Variants in NAV3 observed in about 807,000 individuals in gnomAD.
The protein encoded by NAV3 is neuron navigator 3, also known as pore membrane and/or filament interacting like protein 1.
In NAV3, 87 loss-of-function variants were observed where a neutral mutation model predicts 244.7. The observed-to-expected ratio is 0.36, with a 90% CI of 0.30 to 0.42. The LOEUF (loss-of-function observed/expected upper bound fraction) is 0.42. Ranked by LOEUF, NAV3 falls within the 20% of genes least tolerant of loss-of-function variation. The pLI is 1.00. For missense variants in NAV3, 2,663 were observed against 2,893.3 expected (o/e 0.92, Z 1.83); for synonymous variants, 1,126 against 1,042.2 (o/e 1.08, Z -1.55).
intron 8 of NAV3, among the ~76,000 whole-genome samples, chr12:78,020,023 C>T (rs1413642548): frequency 1.3e-5 from 2 of 151,930 alleles, no homozygotes; most frequent in Non-Finnish European, 2.9e-5. Context: ...AAATAATAAC[C>T]AATACAATGA....
intron 2 of NAV3, among the ~76,000 whole-genome samples, chr12:77,744,515 G>A (rs563474490): frequency 2.0e-5 from 3 of 152,004 alleles, no homozygotes; most frequent in East Asian, 3.9e-4. Flanking sequence ...GTATCTACCC[G>A]ATGGAAAATT....
At chr12:78,055,019 T>G (rs866662069) in intron 11 of NAV3, among the ~76,000 whole-genome samples, 5 of 152,140 alleles carry the variant, frequency 3.3e-5, no homozygotes, top group South Asian at 2.1e-4. Flanking sequence ...GATCATAAAC[T>G]GAATTATGTA....
chr12:77,575,311 A>T (rs886513507), intron 2 of NAV3, among the ~76,000 whole-genome samples: 1 of 152,086 alleles, frequency 6.6e-6, no homozygotes, highest in African/African-American at 2.4e-5. Context: ...GTTGAAGAAA[A>T]TACTTTTAAG....
Position 77,882,398 on chromosome 12 carries a change from AC to A in NAV3, c.243+50696del, listed in dbSNP as rs760357302. On this transcript the variant is annotated intron_variant, in intron 1 of 39. Coordinates refer to ENST00000397909, the MANE Select transcript of NAV3 (RefSeq NM_001024383.2). ...GCCATATGCAGAAGAATGAAACAGG[AC>A]CTTTACCTTTCACCATATACAAAAA... Among the ~76,000 whole-genome samples the A allele has an allele frequency of 2.0e-5, 3 of 152,092 alleles. No individual in the cohort carries two copies. The East Asian group carries it at 5.8e-4, about 29-fold the overall frequency.
intron 2 of NAV3, among the ~76,000 whole-genome samples, chr12:77,776,749 G>T (rs746486386): frequency 6.6e-6 from 1 of 152,154 alleles, no homozygotes; most frequent in African/African-American, 2.4e-5. Context: ...GGGAGGCCGA[G>T]GTGGGCGGGT....
chr12:78,143,301 T>C, intron 20 of NAV3: 1 of 451,892 alleles, frequency 2.2e-6, no homozygotes, highest in Non-Finnish European at 4.4e-6. Flanking sequence ...TCTGCAGAGG[T>C]GTTACCTTTG....
chr12:78,107,144 T>C (rs945862576), intron 12 of NAV3, among the ~76,000 whole-genome samples: 1 of 152,154 alleles, frequency 6.6e-6, no homozygotes, highest in African/African-American at 2.4e-5. Context: ...ATATCCTACA[T>C]TCAACCAGAA....
At chr12:77,674,549 G>A (rs545954955) in intron 2 of NAV3, among the ~76,000 whole-genome samples, 1 of 151,728 alleles carries the variant, frequency 6.6e-6, no homozygotes, top group Non-Finnish European at 1.5e-5. Flanking sequence ...ACCACCACAC[G>A]TGGCTCATTT....
chr12:77,736,471 T>C (rs1178052047), intron 2 of NAV3, among the ~76,000 whole-genome samples: 1 of 152,194 alleles, frequency 6.6e-6, no homozygotes, highest in Non-Finnish European at 1.5e-5. Flanking sequence ...AAAGATTAAC[T>C]AGGGGTCTGG....
chr12:78,073,340 C>G (rs945694832), intron 12 of NAV3, among the ~76,000 whole-genome samples: 4 of 144,174 alleles, frequency 2.8e-5, no homozygotes, highest in African/African-American at 7.8e-5. Flanking sequence ...TCAGCAAAGT[C>G]TCAGGATACA....
chr12:77,630,124 T>C (rs1478692505), intron 2 of NAV3, among the ~76,000 whole-genome samples: 3 of 152,124 alleles, frequency 2.0e-5, no homozygotes, highest in Non-Finnish European at 4.4e-5. Flanking sequence ...AGGAGTCAAC[T>C]GACTAGGGTT....
intron 3 of NAV3, among the ~76,000 whole-genome samples, chr12:77,960,123 C>G (rs960862233): frequency 5.9e-5 from 9 of 151,796 alleles, no homozygotes; most frequent in Non-Finnish European, 2.9e-5. Context: ...GAGACATCAG[C>G]TCCCACCAGC....
intron 2 of NAV3, among the ~76,000 whole-genome samples, chr12:77,782,432 G>A (rs1365810309): frequency 1.3e-5 from 2 of 151,726 alleles, no homozygotes; most frequent in East Asian, 3.9e-4. Context: ...TAATAACCAT[G>A]ATCACATTAG....
upstream of NAV3, among the ~76,000 whole-genome samples, chr12:77,829,864 C>T (rs1175860423): frequency 6.6e-6 from 1 of 152,158 alleles, no homozygotes; most frequent in Non-Finnish European, 1.5e-5. Context: ...ATGACCATTT[C>T]TTCACTAAAG....
chr12:77,648,117 A>G (rs1348948315), intron 2 of NAV3, among the ~76,000 whole-genome samples: 1 of 152,136 alleles, frequency 6.6e-6, no homozygotes, highest in African/African-American at 2.4e-5. Flanking sequence ...AAAGTCATGC[A>G]AAATAAAATT....
At chr12:77,941,749 A>G (rs1326410963) in intron 3 of NAV3, among the ~76,000 whole-genome samples, 1 of 152,176 alleles carries the variant, frequency 6.6e-6, no homozygotes, top group Non-Finnish European at 1.5e-5. Context: ...TAAACTATAG[A>G]GATAAAAATA....
chr12:78,089,384 A>G (rs1953806165), intron 12 of NAV3, among the ~76,000 whole-genome samples: 1 of 152,196 alleles, frequency 6.6e-6, no homozygotes, highest in Admixed American at 6.5e-5. Context: ...ATTTTAGCAT[A>G]TTAAGAGAAC....
At chr12:77,894,128 A>T (rs1884286473) in intron 1 of NAV3, among the ~76,000 whole-genome samples, 1 of 152,118 alleles carries the variant, frequency 6.6e-6, no homozygotes, top group African/African-American at 2.4e-5. Flanking sequence ...ACTACAGCAG[A>T]TGGACTTTGG....
intron 12 of NAV3, among the ~76,000 whole-genome samples, chr12:78,110,958 G>C (rs1325507955): frequency 1.3e-5 from 2 of 152,128 alleles, no homozygotes; most frequent in Non-Finnish European, 2.9e-5. Flanking sequence ...ATATGTGGGA[G>C]CTAATAACTT....
Sources: gnomAD v4.1 joint callset for allele counts (sites outside exome capture counted in the v4.1 genomes callset) on GRCh38, gnomAD v4.1.1 for gene constraint, MANE v1.5 for transcripts, NCBI Gene and HGNC (gene_info 2026-07-23, HGNC 2026-07-21) for gene names.